Variants in RPL22 observed in about 807,000 individuals in gnomAD.
RPL22 encodes ribosomal protein L22, also known as large ribosomal subunit protein eL22.
Under a neutral mutation model 16.2 loss-of-function variants are expected in RPL22, and 4 were observed. The ratio of observed to expected loss-of-function variants is 0.25; its 90% confidence interval spans 0.12 to 0.57. RPL22 has a LOEUF of 0.57. Among genes scored for constraint, RPL22 ranks in the 20% least tolerant of loss-of-function variants. RPL22 has a pLI of 0.92. For synonymous variants in RPL22, 43 were observed against 54.8 expected (o/e 0.78, Z 0.95); for missense variants, 83 against 156.1 (o/e 0.53, Z 2.49).
chr1:6,196,868 T>C (rs1667724498), intron 2 of RPL22, among the ~76,000 whole-genome samples: 2 of 151,970 alleles, frequency 1.3e-5, no homozygotes, highest in Non-Finnish European at 1.5e-5. Flanking sequence ...TAGAAAAGCT[T>C]CGGGAACTGC....
rs1667738866 is a variant in RPL22 at position 6,197,747 on chromosome 1, C to T, written c.22G>A (p.Val8Met). 6.2e-7 allele frequency: 1 copy of T among 1,611,028 alleles called. No individual in the cohort carries two copies. Among genetic ancestry groups the T allele is most frequent in the Non-Finnish European group, 8.5e-7 (1 of 1,177,544 alleles). ...TTCTTTTTTTTGCCCCCCTTCACCA[C>T]AAGCTTTTTCTAAGAAAATACACAA... is the stretch of plus-strand genomic sequence containing the variant. MAPVKKLVVKGGKKKKQV... is the reference protein window; with the variant it reads MAPVKKLMVKGGKKKKQV... The change falls in exon 2 of 4, where the codon GTG (valine) becomes ATG (methionine). Residue 8 changes from valine (V) to methionine (M), a missense_variant. Physicochemically the swap from Val to Met is conservative, Grantham distance 21. Transcript: ENST00000234875.
chr1:6,192,579 G>T (rs1667665525), intron 3 of RPL22, among the ~76,000 whole-genome samples: 1 of 152,034 alleles, frequency 6.6e-6, no homozygotes, highest in Non-Finnish European at 1.5e-5. Flanking sequence ...GGTGCCTGTA[G>T]TCTCAGCTAC....
At chr1:6,191,265 T>A (rs1405758800) in intron 3 of RPL22, among the ~76,000 whole-genome samples, 2 of 138,392 alleles carry the variant, frequency 1.4e-5, no homozygotes, top group African/African-American at 5.6e-5. Flanking sequence ...GAGGCTGAGG[T>A]AGGAGAATCG....
At chr1:6,195,304 G>C (rs1452529202) in intron 2 of RPL22, among the ~76,000 whole-genome samples, 2 of 151,474 alleles carry the variant, frequency 1.3e-5, no homozygotes, top group African/African-American at 4.9e-5. Flanking sequence ...AATTAGCCGG[G>C]CATAGTGACA....
rs1441970935 is a variant in RPL22, at chr1:6,185,210, T to C, written c.*1462A>G. The stretch of plus-strand genomic sequence containing the variant: ...GCCCAGGGTTTTTTCACAACCAAAC[T>C]AAAAATGACTTACTACATGGGAACA... On this transcript the variant is annotated 3_prime_UTR_variant, in exon 4 of 4. Coordinates refer to ENST00000234875, the MANE Select transcript of RPL22 (RefSeq NM_000983.4). 1 of 397,712 alleles carries C rather than the reference T, an allele frequency of 2.5e-6. No homozygotes were observed. The highest frequency in any genetic ancestry group is 4.4e-6 in the Non-Finnish European group (1 of 225,734). The allele number at this position is 397,712 out of a possible 1,614,324, so 24.6% of individuals were successfully genotyped here.
chr1:6,189,279 GT>G, intron 3 of RPL22, among the ~76,000 whole-genome samples: 1 of 150,978 alleles, frequency 6.6e-6, no homozygotes, highest in Non-Finnish European at 1.5e-5. Flanking sequence ...CAATTCAACT[GT>G]CCACTTTTTG....
chr1:6,195,515 C>A (rs143537820), intron 2 of RPL22, among the ~76,000 whole-genome samples: 1 of 151,618 alleles, frequency 6.6e-6, no homozygotes, highest in African/African-American at 2.4e-5. Flanking sequence ...TTTGGGAGGC[C>A]GAGGCTGGCA....
rs541911068 is a variant in RPL22 at position 6,192,555 on chromosome 1, C to G, written c.242+375G>C. On this transcript the variant is annotated intron_variant, in intron 3 of 3. Coordinates refer to ENST00000234875, the MANE Select transcript of RPL22 (RefSeq NM_000983.4). ...TTCTACTAAAAATACAAAAATTATC[C>G]GGGCATGGTGGCAGGTGCCTGTAGT... is the stretch of plus-strand genomic sequence containing the variant. Among the ~76,000 whole-genome samples the G allele has an allele frequency of 9.2e-5, 14 of 152,164 alleles. No individual in the cohort carries two copies. In the East Asian group the frequency reaches 2.7e-3, roughly 29 times the overall value.
intron 3 of RPL22, among the ~76,000 whole-genome samples, chr1:6,192,726 G>C (rs1008892677): frequency 4.6e-5 from 7 of 152,152 alleles, no homozygotes; most frequent in African/African-American, 1.7e-4. Flanking sequence ...TTTAGCCTGT[G>C]AAAGACAAAA....
At chr1:6,192,457 G>A (rs1388980626) in intron 3 of RPL22, among the ~76,000 whole-genome samples, 1 of 152,192 alleles carries the variant, frequency 6.6e-6, no homozygotes, top group Non-Finnish European at 1.5e-5. Flanking sequence ...CAGCACTTTG[G>A]GAAGCCAAGG....
chr1:6,195,717 C>T (rs1341463242), intron 2 of RPL22, among the ~76,000 whole-genome samples: 1 of 151,706 alleles, frequency 6.6e-6, no homozygotes, highest in Non-Finnish European at 1.5e-5. Context: ...CACCATTGCA[C>T]TCCAGCCTGG....
intron 3 of RPL22, among the ~76,000 whole-genome samples, chr1:6,190,541 C>G (rs1358221133): frequency 6.6e-6 from 1 of 152,164 alleles, no homozygotes; most frequent in Non-Finnish European, 1.5e-5. Flanking sequence ...CCACCACACC[C>G]AGCTAATTTT....
intron 3 of RPL22, 110 bp from the exon 4 acceptor site, chr1:6,186,926 T>G: frequency 6.6e-7 from 1 of 1,520,066 alleles, no homozygotes; most frequent in Non-Finnish European, 8.9e-7. Flanking sequence ...CAAGGTGTTT[T>G]CCCAAGCCTC....
chr1:6,198,647 G>A (rs528434126), intron 1 of RPL22: 2 of 152,188 alleles, frequency 1.3e-5, no homozygotes, highest in Non-Finnish European at 1.5e-5. Flanking sequence ...TGTGTTAACT[G>A]GATCAACTTT....
intron 1 of RPL22, chr1:6,199,277 C>T (rs2100909476): frequency 4.5e-6 from 3 of 673,866 alleles, no homozygotes; most frequent in Non-Finnish European, 6.2e-6. Context: ...GGACCAGTGG[C>T]CGGCCCAGAC....
Position 6,185,255 on chromosome 1 carries a change from T to C in RPL22, c.*1417A>G. ...GGAACATCAATGCAACAAGTAGAATTTGTAAACTCAAGCCACAAACTTAGT... is the reference window on the plus strand; with the variant it reads ...GGAACATCAATGCAACAAGTAGAATCTGTAAACTCAAGCCACAAACTTAGT... On this transcript the variant is annotated 3_prime_UTR_variant, in exon 4 of 4. Transcript: ENST00000234875. The C allele has an allele frequency of 5.0e-6, 2 of 398,932 alleles. No individual in the cohort carries two copies. Among genetic ancestry groups the C allele is most frequent in the Non-Finnish European group, 8.8e-6 (2 of 226,046 alleles). 24.7% of individuals were successfully genotyped at this position (398,932 alleles called of 1,614,324 possible).
At chr1:6,192,609 C>CA (rs1292483211) in intron 3 of RPL22, among the ~76,000 whole-genome samples, 8 of 151,954 alleles carry the variant, frequency 5.3e-5, no homozygotes, top group Non-Finnish European at 1.0e-4. Context: ...TGAGGCAGGA[C>CA]AACTGCTTGA....
At position 6,185,875 on chromosome 1, in the gene RPL22, G is replaced by A. The variant is rs546451579; in HGVS notation, c.*797C>T. On this transcript the variant is annotated 3_prime_UTR_variant, in exon 4 of 4. Coordinates refer to ENST00000234875, the MANE Select transcript of RPL22 (RefSeq NM_000983.4). ...GAGGCTTCCCAGTCACTCCTCCTTC[G>A]TGTCCCCTCTTTCAAGAACCTCCAG... 14 of 230,126 alleles carry A rather than the reference G, an allele frequency of 6.1e-5. No homozygotes were observed. The highest frequency in any genetic ancestry group is 1.3e-3 in the Middle Eastern group (1 of 770). 14.3% of individuals were successfully genotyped at this position (230,126 alleles called of 1,614,324 possible).
At chr1:6,192,205 T>C (rs1399398610) in intron 3 of RPL22, among the ~76,000 whole-genome samples, 1 of 152,062 alleles carries the variant, frequency 6.6e-6, no homozygotes, top group Non-Finnish European at 1.5e-5. Context: ...CATGTCACCA[T>C]GCCCAGCTAA....
Sources: gnomAD v4.1 joint callset for allele counts (sites outside exome capture counted in the v4.1 genomes callset) on GRCh38, gnomAD v4.1.1 for gene constraint, MANE v1.5 for transcripts, NCBI Gene and HGNC (gene_info 2026-07-23, HGNC 2026-07-21) for gene names.